The following AGMO variants were observed in gnomAD, a reference collection of about 807,000 sequenced individuals.
AGMO encodes glyceryl-ether monooxygenase.
A neutral mutation model predicts 60.2 loss-of-function variants in AGMO; 75 were observed. That is an observed-to-expected ratio of 1.25 (90% CI 1.03 to 1.51). The LOEUF (loss-of-function observed/expected upper bound fraction) is 1.51, where lower values mean the gene tolerates loss of function less well. Ranked by LOEUF, AGMO falls within the 40% of genes most tolerant of loss-of-function variation. AGMO has a pLI of 0.00. For missense variants in AGMO, 763 were observed against 525.5 expected (o/e 1.45, Z -4.42); for synonymous variants, 261 against 177.1 (o/e 1.47, Z -3.76).
chr7:15,282,281 T>G (rs984670178), intron 12 of AGMO, among the ~76,000 whole-genome samples: 2 of 151,536 alleles, frequency 1.3e-5, no homozygotes, highest in African/African-American at 4.9e-5. Flanking sequence ...ATTAAGCTAC[T>G]CAAGGAGATA....
chr7:15,244,173 T>G (rs1563051853), intron 12 of AGMO, among the ~76,000 whole-genome samples: 1 of 133,942 alleles, frequency 7.5e-6, no homozygotes, highest in East Asian at 2.5e-4. Context: ...AATTTAAATT[T>G]GTACAATAAA....
chr7:15,490,035 T>C (rs1054712547), intron 3 of AGMO, among the ~76,000 whole-genome samples: 13 of 152,220 alleles, frequency 8.5e-5, no homozygotes, highest in Non-Finnish European at 1.3e-4. Flanking sequence ...TGGAAAAATA[T>C]CTAATTTAAG....
At chr7:15,198,159 GGTGA>G (rs1044972914), downstream of AGMO, among the ~76,000 whole-genome samples, 9 of 146,750 alleles carry the variant, frequency 6.1e-5, no homozygotes, top group Admixed American at 1.4e-4. Flanking sequence ...CGATAGAAGT[GGTGA>G]GTAATTGACG....
intron 12 of AGMO, among the ~76,000 whole-genome samples, chr7:15,238,944 A>T (rs557595640): frequency 6.6e-6 from 1 of 152,280 alleles, no homozygotes; most frequent in African/African-American, 2.4e-5. Context: ...GCATATGTAA[A>T]CTTTTTATTG....
intron 12 of AGMO, among the ~76,000 whole-genome samples, chr7:15,316,170 G>GA (rs1428962681): frequency 6.6e-6 from 1 of 152,092 alleles, no homozygotes; most frequent in Non-Finnish European, 1.5e-5. Context: ...GTTGCCAAGG[G>GA]AAAAACAAAA....
At chr7:15,506,337 A>G (rs1421190695) in intron 3 of AGMO, among the ~76,000 whole-genome samples, 1 of 152,028 alleles carries the variant, frequency 6.6e-6, no homozygotes, top group Non-Finnish European at 1.5e-5. Flanking sequence ...GGCTCGAGTT[A>G]CACAGATTCT....
chr7:15,266,236 A>C (rs192589246), intron 12 of AGMO, among the ~76,000 whole-genome samples: 1 of 152,110 alleles, frequency 6.6e-6, no homozygotes, highest in African/African-American at 2.4e-5. Context: ...GGGAATGTTT[A>C]ATTATCTTGT....
In AGMO at chr7:15,443,064, A is replaced by G. The variant is rs1781603211; in HGVS notation, c.410-11956T>C. 2.0e-5 allele frequency among the ~76,000 whole-genome samples: 3 copies of G among 152,204 alleles called. No homozygotes were observed. In the South Asian group the frequency reaches 6.2e-4, roughly 31 times the overall value. ...TCCCCTCTGGCTTCGCCATCTGCTGAGAGCTACTTCCACTCAATAAAACCT... is the reference window on the plus strand; with the variant it reads ...TCCCCTCTGGCTTCGCCATCTGCTGGGAGCTACTTCCACTCAATAAAACCT... On this transcript the variant is annotated intron_variant, in intron 3 of 12. Coordinates refer to ENST00000342526, the MANE Select transcript of AGMO (RefSeq NM_001004320.2).
intron 12 of AGMO, among the ~76,000 whole-genome samples, chr7:15,325,873 C>T (rs985030851): frequency 1.3e-5 from 2 of 151,848 alleles, no homozygotes; most frequent in Admixed American, 6.6e-5. Flanking sequence ...CTTGGTTGTT[C>T]GCAATTTGTT....
intron 8 of AGMO, among the ~76,000 whole-genome samples, chr7:15,388,774 A>AGG (rs1784026025): frequency 6.6e-6 from 1 of 152,014 alleles, no homozygotes; most frequent in Non-Finnish European, 1.5e-5. Flanking sequence ...AAGGAATGGA[A>AGG]GTGAAAATAA....
chr7:15,394,689 T>C (rs1484513052), intron 5 of AGMO, among the ~76,000 whole-genome samples: 1 of 152,120 alleles, frequency 6.6e-6, no homozygotes, highest in East Asian at 1.9e-4. Flanking sequence ...TGAAAACAAC[T>C]GTGTTATGTT....
intron 12 of AGMO, among the ~76,000 whole-genome samples, chr7:15,223,991 T>C (rs1035760213): frequency 2.6e-5 from 4 of 152,064 alleles, no homozygotes; most frequent in African/African-American, 4.8e-5. Flanking sequence ...TTTAAAATTC[T>C]ATTATGATGA....
intron 10 of AGMO, among the ~76,000 whole-genome samples, chr7:15,376,020 A>G (rs1246981254): frequency 6.6e-6 from 1 of 152,136 alleles, no homozygotes; most frequent in Non-Finnish European, 1.5e-5. Context: ...AATGTAGTGG[A>G]CAAAAAATAA....
chr7:15,449,765 A>C (rs1282172662), intron 3 of AGMO, among the ~76,000 whole-genome samples: 1 of 152,228 alleles, frequency 6.6e-6, no homozygotes, highest in Non-Finnish European at 1.5e-5. Context: ...GTTGGTTTAA[A>C]AGTACTACTT....
At chr7:15,306,261 T>A (rs1196582357) in intron 12 of AGMO, 2 of 237,576 alleles carry the variant, frequency 8.4e-6, no homozygotes, top group Non-Finnish European at 1.7e-5. Context: ...GGTCTTTTTT[T>A]ATTTCATACT....
In AGMO at chr7:15,234,254, T is replaced by G. The variant is rs149825926; in HGVS notation, c.1264-32895A>C. Among the ~76,000 whole-genome samples the G allele has an allele frequency of 4.1e-3, 627 of 152,330 alleles. 3 individuals are homozygous for G. The highest frequency in any genetic ancestry group is 0.015 in the African/African-American group (604 of 41,578). On this transcript the variant is annotated intron_variant, in intron 12 of 12. Coordinates refer to ENST00000342526, the MANE Select transcript of AGMO (RefSeq NM_001004320.2). ...AAATTGAGGTTCATGATTACCTTTC[T>G]CAAAGGGGACTTAGCTATTTCCTTG... is the stretch of plus-strand genomic sequence containing the variant.
chr7:15,398,286 G>T (rs1784465625), intron 5 of AGMO, among the ~76,000 whole-genome samples: 1 of 152,094 alleles, frequency 6.6e-6, no homozygotes, highest in African/African-American at 2.4e-5. Flanking sequence ...TTTTTTTAAT[G>T]TCAAGCTCTT....
the AGMO span, among the ~76,000 whole-genome samples, chr7:15,164,897 C>T: frequency 0.048 from 6,919 of 145,292 alleles, 186 homozygotes; most frequent in African/African-American, 0.072. Flanking sequence ...TATCTATCCA[C>T]AGAAAAAAAA....
chr7:15,369,237 A>C (rs1783105287), intron 10 of AGMO, among the ~76,000 whole-genome samples: 1 of 152,072 alleles, frequency 6.6e-6, no homozygotes, highest in African/African-American at 2.4e-5. Flanking sequence ...TCCTACTTCT[A>C]AAATTGCCTG....
Sources: gnomAD v4.1 joint callset for allele counts (sites outside exome capture counted in the v4.1 genomes callset) on GRCh38, gnomAD v4.1.1 for gene constraint, MANE v1.5 for transcripts, NCBI Gene and HGNC (gene_info 2026-07-23, HGNC 2026-07-21) for gene names.